Variants in LRRC69 observed in about 807,000 individuals in gnomAD.
The protein encoded by LRRC69 is leucine rich repeat containing 69.
A neutral mutation model predicts 37.8 loss-of-function variants in LRRC69; 42 were observed. The ratio of observed to expected loss-of-function variants is 1.11; its 90% confidence interval spans 0.87 to 1.44. The LOEUF is 1.44. Ranked by LOEUF, LRRC69 falls within the 40% of genes most tolerant of loss-of-function variation. The pLI is 0.00. For synonymous variants in LRRC69, 141 were observed against 143.1 expected, an observed-to-expected ratio of 0.99 and a Z score of 0.11; for missense variants, 357 against 401.9, an observed-to-expected ratio of 0.89 and a Z score of 0.96.
At chr8:91,189,614 G>C in exon 6 of LRRC69, 1 of 1,548,732 alleles carries the variant, frequency 6.5e-7, no homozygotes, top group Non-Finnish European at 8.7e-7. Flanking sequence ...AGAACGTCTG[G>C]AGTCTACAGG....
At position 91,112,424 on chromosome 8, in the gene LRRC69, G is replaced by A. The variant is rs78114873; in HGVS notation, c.183+9580G>A. ...GCACTGCAGCACCTTTTACTGCCAA[G>A]GACCCCAATATATGCAAATCAATCA... On this transcript the variant is annotated intron_variant, in intron 1 of 7. Coordinates refer to ENST00000448384, the Ensembl canonical transcript of LRRC69. 5.1e-3 allele frequency among the ~76,000 whole-genome samples: 778 copies of A among 151,960 alleles called. 10 individuals carry two copies. Among genetic ancestry groups the A allele is most frequent in the African/African-American group, 0.018 (742 of 41,510 alleles).
At chr8:91,169,617 CCCA>C (rs1285356381) in intron 5 of LRRC69, among the ~76,000 whole-genome samples, 2 of 146,832 alleles carry the variant, frequency 1.4e-5, no homozygotes, top group Non-Finnish European at 3.0e-5. Context: ...GTGCGCTGCA[CCCA>C]CTAACTCATC....
intron 5 of LRRC69, among the ~76,000 whole-genome samples, chr8:91,143,530 A>C (rs1368400684): frequency 6.6e-6 from 1 of 152,000 alleles, no homozygotes; most frequent in Non-Finnish European, 1.5e-5. Context: ...CAGAGTTAAG[A>C]ATCTTAAGTA....
At chr8:91,206,367 A>G (rs1809805226) in intron 7 of LRRC69, among the ~76,000 whole-genome samples, 1 of 152,204 alleles carries the variant, frequency 6.6e-6, no homozygotes, top group Non-Finnish European at 1.5e-5. Context: ...CCTTAAATAC[A>G]AAGAGAAAAG....
chr8:91,133,795 C>T (rs1291798278), intron 4 of LRRC69, among the ~76,000 whole-genome samples: 4 of 151,750 alleles, frequency 2.6e-5, no homozygotes, highest in Non-Finnish European at 4.4e-5. Context: ...CCACCATGCC[C>T]GGCTGATTTT....
At chr8:91,157,376 C>T in intron 5 of LRRC69, 9 of 1,608,044 alleles carry the variant, frequency 5.6e-6, no homozygotes, top group Non-Finnish European at 6.8e-6. Flanking sequence ...AATGCAGATC[C>T]TGTATGTCTA....
chr8:91,212,500 C>T (rs1360662358), intron 7 of LRRC69, among the ~76,000 whole-genome samples: 1 of 152,146 alleles, frequency 6.6e-6, no homozygotes, highest in African/African-American at 2.4e-5. Flanking sequence ...CGTTCATTTA[C>T]TTTATGAAAA....
chr8:91,134,252 C>T (rs1470530285), intron 4 of LRRC69, among the ~76,000 whole-genome samples: 1 of 151,018 alleles, frequency 6.6e-6, no homozygotes, highest in African/African-American at 2.4e-5. Flanking sequence ...AGCTGAAGAC[C>T]CTGGAGTGCT....
chr8:91,176,418 T>C (rs1367592855), intron 5 of LRRC69, among the ~76,000 whole-genome samples: 1 of 152,140 alleles, frequency 6.6e-6, no homozygotes, highest in African/African-American at 2.4e-5. Flanking sequence ...GTGCTGGAAT[T>C]ACAGGCATGA....
exon 8 of LRRC69, chr8:91,218,902 A>G: frequency 6.5e-7 from 1 of 1,548,162 alleles, no homozygotes; most frequent in African/African-American, 1.4e-5. Flanking sequence ...CTGGAAGATA[A>G]GCAAGAATCT....
intron 7 of LRRC69, among the ~76,000 whole-genome samples, chr8:91,207,361 A>G (rs545816294): frequency 5.5e-4 from 84 of 152,360 alleles, no homozygotes; most frequent in South Asian, 1.5e-3. Context: ...GGTAGCATAT[A>G]GTAGGTGCTT....
chr8:91,155,406 C>T (rs1352799886), intron 5 of LRRC69, among the ~76,000 whole-genome samples: 1 of 150,858 alleles, frequency 6.6e-6, no homozygotes, highest in African/African-American at 2.4e-5. Flanking sequence ...TACATATATA[C>T]AATGAGTAAT....
intron 5 of LRRC69, among the ~76,000 whole-genome samples, chr8:91,156,718 C>A (rs1301514715): frequency 6.6e-6 from 1 of 150,798 alleles, no homozygotes; most frequent in Non-Finnish European, 1.5e-5. Flanking sequence ...GAAGTGTTTC[C>A]CTTATGTTTT....
At chr8:91,152,119 T>A (rs13278451) in intron 5 of LRRC69, among the ~76,000 whole-genome samples, 1 of 151,622 alleles carries the variant, frequency 6.6e-6, no homozygotes, top group Non-Finnish European at 1.5e-5. Flanking sequence ...TTTCTTTTGC[T>A]GTGCATACAC....
At chr8:91,183,564 TG>T (rs1431556173) in intron 5 of LRRC69, among the ~76,000 whole-genome samples, 1 of 151,910 alleles carries the variant, frequency 6.6e-6, no homozygotes, top group Non-Finnish European at 1.5e-5. Flanking sequence ...GTACTGAGTG[TG>T]GAACCAGAGT....
chr8:91,181,564 A>G (rs1809325529), intron 5 of LRRC69, among the ~76,000 whole-genome samples: 1 of 152,204 alleles, frequency 6.6e-6, no homozygotes, highest in Non-Finnish European at 1.5e-5. Context: ...TTACTGCTTT[A>G]GTTGTGTAGG....
chr8:91,121,567 A>C (rs559715238), intron 1 of LRRC69, among the ~76,000 whole-genome samples: 19 of 152,096 alleles, frequency 1.2e-4, no homozygotes, highest in African/African-American at 4.6e-4. Context: ...ATCTCAGTCT[A>C]TATATCAACT....
At chr8:91,206,718 A>G (rs1237940343) in intron 7 of LRRC69, 17 of 1,289,768 alleles carry the variant, frequency 1.3e-5, no homozygotes, top group Admixed American at 2.3e-5. Flanking sequence ...ACAAGCAACA[A>G]CAGCCAGAAT....
chr8:91,105,676 A>AAC (rs2130471104), intron 1 of LRRC69, among the ~76,000 whole-genome samples: 1 of 151,438 alleles, frequency 6.6e-6, no homozygotes, highest in East Asian at 1.9e-4. Flanking sequence ...AAAAAAAAAA[A>AAC]AGGAAAGGCA....
Sources: allele counts gnomAD v4.1 joint callset (sites outside exome capture counted in the v4.1 genomes callset), GRCh38; gene constraint gnomAD v4.1.1; transcripts MANE v1.5; gene names NCBI Gene and HGNC (gene_info 2026-07-23, HGNC 2026-07-21).